Variants in POU6F2 observed in about 807,000 individuals in gnomAD.
The protein encoded by POU6F2 is POU domain, class 6, transcription factor 2.
A neutral mutation model predicts 71.3 loss-of-function variants in POU6F2; 31 were observed. The observed-to-expected ratio is 0.43, with a 90% CI of 0.33 to 0.59. The LOEUF is 0.59. POU6F2 is among the 20% of genes least tolerant of loss of function. The pLI, the probability that POU6F2 is intolerant of heterozygous loss-of-function variation, is 0.04. For synonymous variants in POU6F2, 347 were observed against 355.7 expected, an observed-to-expected ratio of 0.98 and a Z score of 0.27; for missense variants, 783 against 856.8, an observed-to-expected ratio of 0.91 and a Z score of 1.07.
intron 4 of POU6F2, among the ~76,000 whole-genome samples, chr7:39,277,171 A>G (rs187625790): frequency 6.6e-6 from 1 of 152,350 alleles, no homozygotes; most frequent in East Asian, 1.9e-4. Flanking sequence ...AAGTAAATAA[A>G]GGTAGACAGG....
intron 1 of POU6F2, among the ~76,000 whole-genome samples, chr7:39,058,118 A>G (rs148979726): frequency 7.6e-4 from 116 of 152,200 alleles, no homozygotes; most frequent in South Asian, 2.7e-3. Flanking sequence ...AGCTAGAAAC[A>G]GCATCTAATT....
chr7:39,138,317 G>A (rs972983007), intron 2 of POU6F2, among the ~76,000 whole-genome samples: 1 of 152,028 alleles, frequency 6.6e-6, no homozygotes, highest in Non-Finnish European at 1.5e-5. Context: ...ATTTAAATAG[G>A]GGTCCCCAAC....
chr7:39,096,569 T>A (rs1432238861), intron 2 of POU6F2, among the ~76,000 whole-genome samples: 1 of 152,192 alleles, frequency 6.6e-6, no homozygotes, highest in East Asian at 1.9e-4. Context: ...GGGTTTTTTA[T>A]CAAATGGCCC....
At chr7:39,314,535 G>C (rs1487898845) in intron 4 of POU6F2, among the ~76,000 whole-genome samples, 1 of 152,086 alleles carries the variant, frequency 6.6e-6, no homozygotes, top group Non-Finnish European at 1.5e-5. Context: ...ACAAACATTT[G>C]TATTTGTTTG....
chr7:39,412,663 C>CAATGAAACATGTTA lies in POU6F2; in HGVS notation c.1113+5928_1113+5941dup, dbSNP rs533160138. On this transcript the variant is annotated intron_variant, in intron 6 of 9. Coordinates refer to ENST00000518318, the MANE Select transcript of POU6F2 (RefSeq NM_001370959.1). ...ATATATTACTTTATTTCATTTTAAA[C>CAATGAAACATGTTA]AATGAAACATGTTAAATGTATAGAA... Among the ~76,000 whole-genome samples the CAATGAAACATGTTA allele has an allele frequency of 4.1e-4, 61 of 149,400 alleles. No individual in the cohort carries two copies. The South Asian group carries it at 9.8e-3, about 24-fold the overall frequency.
intron 5 of POU6F2, among the ~76,000 whole-genome samples, chr7:39,394,514 C>T (rs1035030428): frequency 6.6e-6 from 1 of 152,102 alleles, no homozygotes; most frequent in Non-Finnish European, 1.5e-5. Context: ...CTCAAGCACA[C>T]CACTCATACA....
intron 9 of POU6F2, among the ~76,000 whole-genome samples, chr7:39,463,464 G>A (rs1316101766): frequency 6.6e-6 from 1 of 152,178 alleles, no homozygotes; most frequent in Non-Finnish European, 1.5e-5. Flanking sequence ...CAGAGGTGGG[G>A]TGTTTTATAG....
chr7:39,073,688 A>G (rs532667633), intron 1 of POU6F2, among the ~76,000 whole-genome samples: 226 of 152,372 alleles, frequency 1.5e-3, no homozygotes, highest in African/African-American at 4.8e-3. Flanking sequence ...GGAAAACTCC[A>G]TAGTATCTGG....
At chr7:38,994,628 T>C (rs1254351484) in intron 1 of POU6F2, among the ~76,000 whole-genome samples, 1 of 152,052 alleles carries the variant, frequency 6.6e-6, no homozygotes, top group Non-Finnish European at 1.5e-5. Context: ...AGTGACACTC[T>C]GAATAAAGAA....
At chr7:38,989,089 G>A (rs1177748099) in intron 1 of POU6F2, among the ~76,000 whole-genome samples, 1 of 152,068 alleles carries the variant, frequency 6.6e-6, no homozygotes. Flanking sequence ...GCAAATCGGT[G>A]CTCTTTGATA....
At chr7:39,012,193 T>C (rs993999105) in intron 1 of POU6F2, among the ~76,000 whole-genome samples, 39 of 152,204 alleles carry the variant, frequency 2.6e-4, no homozygotes, top group Middle Eastern at 3.4e-3. Context: ...TTTCACATAG[T>C]CCCATATTTC....
At chr7:39,318,567 CA>C (rs747637173) in intron 4 of POU6F2, among the ~76,000 whole-genome samples, 1 of 152,320 alleles carries the variant, frequency 6.6e-6, no homozygotes, top group East Asian at 1.9e-4. Flanking sequence ...GAAGAAAATA[CA>C]GTGCATTTAA....
At chr7:39,111,441 G>A (rs1022696657) in intron 2 of POU6F2, among the ~76,000 whole-genome samples, 110 of 152,202 alleles carry the variant, frequency 7.2e-4, no homozygotes, top group African/African-American at 2.6e-3. Context: ...AGAAAAATAT[G>A]ACCTTTTAGT....
intron 1 of POU6F2, among the ~76,000 whole-genome samples, chr7:39,036,808 C>G (rs188678556): frequency 7.6e-4 from 116 of 151,736 alleles, no homozygotes; most frequent in Middle Eastern, 3.4e-3. Flanking sequence ...ATTTATTATT[C>G]CATTTAATTC....
chr7:39,184,140 A>C (rs1362215927), intron 2 of POU6F2, among the ~76,000 whole-genome samples: 4 of 152,228 alleles, frequency 2.6e-5, no homozygotes, highest in Non-Finnish European at 5.9e-5. Flanking sequence ...AAGCTGGTCC[A>C]TGCAAATAGG....
intron 5 of POU6F2, chr7:39,373,684 C>T (rs1041567847): frequency 3.5e-5 from 12 of 347,548 alleles, no homozygotes; most frequent in African/African-American, 2.6e-4. Flanking sequence ...AATAAGCTCC[C>T]AGATTTACAT....
intron 6 of POU6F2, among the ~76,000 whole-genome samples, chr7:39,419,237 G>T (rs1246419726): frequency 6.6e-6 from 1 of 150,444 alleles, no homozygotes; most frequent in Non-Finnish European, 1.5e-5. Flanking sequence ...GAGTCTGTTT[G>T]GGTTTTTTGC....
intron 3 of POU6F2, among the ~76,000 whole-genome samples, chr7:39,204,822 T>A (rs1269568358): frequency 6.6e-6 from 1 of 152,186 alleles, no homozygotes; most frequent in Non-Finnish European, 1.5e-5. Flanking sequence ...CAATCATTAT[T>A]TTTTAAAGTC....
At chr7:39,151,815 C>T (rs1484521604) in intron 2 of POU6F2, among the ~76,000 whole-genome samples, 1 of 152,124 alleles carries the variant, frequency 6.6e-6, no homozygotes, top group African/African-American at 2.4e-5. Context: ...GCTTTCAAAT[C>T]CAGTTCTTCC....
Sources: gnomAD v4.1 joint callset for allele counts (sites outside exome capture counted in the v4.1 genomes callset) on GRCh38, gnomAD v4.1.1 for gene constraint, MANE v1.5 for transcripts, NCBI Gene and HGNC (gene_info 2026-07-23, HGNC 2026-07-21) for gene names.